The following NRG1 variants were observed in gnomAD, a reference collection of about 807,000 sequenced individuals.
NRG1 encodes pro-neuregulin-1, membrane-bound isoform.
Under a neutral mutation model 63.8 loss-of-function variants are expected in NRG1, and 18 were observed. That is an observed-to-expected ratio of 0.28 (90% CI 0.19 to 0.42). NRG1 has a LOEUF of 0.42. Ranked by LOEUF, NRG1 falls within the 10% of genes least tolerant of loss-of-function variation. The probability of loss-of-function intolerance (pLI) is 1.00; values close to 1 mark genes in which losing one functional copy is unlikely to be tolerated. For missense variants in NRG1, 762 were observed against 814.7 expected, an observed-to-expected ratio of 0.94 and a Z score of 0.79; for synonymous variants, 302 against 301.3, an observed-to-expected ratio of 1.00 and a Z score of -0.02.
At position 32,253,727 on chromosome 8, in the gene NRG1, C is replaced by A. The variant is rs150060437; in HGVS notation, c.38-342101C>A. On this transcript the variant is annotated intron_variant, in intron 1 of 10. Coordinates refer to the NRG1 transcript ENST00000519301. ...TCATAAAATGAGTTAGGGAGAAGTA[C>A]CTCTTTTTCTGTCATTTGGAATGGT... Among the ~76,000 whole-genome samples the A allele has an allele frequency of 1.4e-3, 220 of 152,258 alleles. 1 individual carries two copies. Among genetic ancestry groups the A allele is most frequent in the African/African-American group, 4.9e-3 (205 of 41,544 alleles).
chr8:32,532,046 C>A (rs1831504196), intron 1 of NRG1, among the ~76,000 whole-genome samples: 1 of 152,166 alleles, frequency 6.6e-6, no homozygotes, highest in South Asian at 2.1e-4. Flanking sequence ...GTTTCTCTAT[C>A]TATAATCTAT....
At chr8:31,639,942 A>G in intron 1 of NRG1, 3 of 1,121,892 alleles carry the variant, frequency 2.7e-6, no homozygotes, top group Non-Finnish European at 3.3e-6. Context: ...AGAGCCGGGC[A>G]GAGTCCGAAC....
chr8:32,760,453 G>T, intron 11 of NRG1, 47 bp downstream of exon 11: 1 of 1,608,852 alleles, frequency 6.2e-7, no homozygotes, highest in Non-Finnish European at 8.5e-7. Context: ...CTCAGTCAGA[G>T]AATCCCTGTG....
upstream of NRG1, among the ~76,000 whole-genome samples, chr8:32,544,923 T>G (rs1832929122): frequency 6.7e-6 from 1 of 150,154 alleles, no homozygotes; most frequent in Non-Finnish European, 1.5e-5. Context: ...TTTCTTTGCA[T>G]TCATGCATCT....
intron 1 of NRG1, among the ~76,000 whole-genome samples, chr8:32,035,942 T>C (rs1818983700): frequency 6.6e-6 from 1 of 152,190 alleles, no homozygotes; most frequent in South Asian, 2.1e-4. Flanking sequence ...TTAAGGGTAA[T>C]ATTGTTATGT....
At chr8:31,993,204 A>G (rs1811380212) in intron 1 of NRG1, among the ~76,000 whole-genome samples, 1 of 152,042 alleles carries the variant, frequency 6.6e-6, no homozygotes, top group Non-Finnish European at 1.5e-5. Context: ...GTAAGATTCT[A>G]TAAATGCAAG....
At chr8:31,836,592 G>A (rs1413210048) in intron 1 of NRG1, among the ~76,000 whole-genome samples, 8 of 152,048 alleles carry the variant, frequency 5.3e-5, no homozygotes, top group Non-Finnish European at 8.8e-5. Context: ...AAACTTATAT[G>A]TGGAGATCTT....
intron 5 of NRG1, among the ~76,000 whole-genome samples, chr8:32,663,921 T>G (rs1366129487): frequency 6.6e-6 from 1 of 152,186 alleles, no homozygotes; most frequent in African/African-American, 2.4e-5. Context: ...TAGAGACATT[T>G]CCTATACTCT....
chr8:32,435,383 AAT>A (rs1168570966), intron 1 of NRG1, among the ~76,000 whole-genome samples: 2 of 152,192 alleles, frequency 1.3e-5, no homozygotes, highest in African/African-American at 4.8e-5. Context: ...AAAGTTCACA[AAT>A]ATGGTAATAG....
chr8:31,795,066 G>T (rs1821075291), intron 1 of NRG1, among the ~76,000 whole-genome samples: 1 of 152,262 alleles, frequency 6.6e-6, no homozygotes, highest in South Asian at 2.1e-4. Context: ...GCCTCCCAAA[G>T]TGCTGGGATT....
intron 5 of NRG1, among the ~76,000 whole-genome samples, chr8:32,676,120 A>C (rs1687278431): frequency 1.3e-5 from 2 of 152,240 alleles, no homozygotes; most frequent in African/African-American, 4.8e-5. Flanking sequence ...GGTCAGTATC[A>C]CAACACAGCC....
intron 1 of NRG1, among the ~76,000 whole-genome samples, chr8:32,447,807 A>T (rs1041975577): frequency 6.6e-6 from 1 of 151,782 alleles, no homozygotes; most frequent in Non-Finnish European, 1.5e-5. Flanking sequence ...AGGGAGGTCA[A>T]GGCTGCACCC....
chr8:32,337,581 A>G (rs1338485851), intron 1 of NRG1, among the ~76,000 whole-genome samples: 1 of 148,532 alleles, frequency 6.7e-6, no homozygotes, highest in East Asian at 2.0e-4. Context: ...GATTCATTCT[A>G]TCCCTTCCCA....
chr8:32,489,982 A>C (rs1343092662), intron 1 of NRG1, among the ~76,000 whole-genome samples: 1 of 152,160 alleles, frequency 6.6e-6, no homozygotes, highest in African/African-American at 2.4e-5. Flanking sequence ...CTGGAGCAGC[A>C]GTATCAGCTT....
chr8:31,737,116 G>C (rs1814755525), intron 1 of NRG1, among the ~76,000 whole-genome samples: 1 of 152,116 alleles, frequency 6.6e-6, no homozygotes, highest in Admixed American at 6.6e-5. Flanking sequence ...GTTGAAACTA[G>C]AGATGTAACA....
intron 1 of NRG1, among the ~76,000 whole-genome samples, chr8:32,125,576 G>T (rs1293199772): frequency 6.6e-6 from 1 of 151,818 alleles, no homozygotes; most frequent in African/African-American, 2.4e-5. Context: ...AAACTCCTTA[G>T]TCTGACATTA....
intron 1 of NRG1, among the ~76,000 whole-genome samples, chr8:31,666,626 T>C (rs1335174184): frequency 6.6e-6 from 1 of 152,218 alleles, no homozygotes; most frequent in African/African-American, 2.4e-5. Flanking sequence ...GGGAAAATTA[T>C]CAAAAGTGAA....
intron 1 of NRG1, among the ~76,000 whole-genome samples, chr8:32,424,326 A>T (rs182387507): frequency 1.3e-5 from 2 of 152,174 alleles, no homozygotes; most frequent in African/African-American, 2.4e-5. Flanking sequence ...GGGCCTCTAG[A>T]GCTAAGTTGC....
chr8:32,078,188 G>A (rs80125255), intron 1 of NRG1, among the ~76,000 whole-genome samples: 1 of 152,242 alleles, frequency 6.6e-6, no homozygotes, highest in African/African-American at 2.4e-5. Flanking sequence ...GAGGTGATTG[G>A]GTCATAGGTT....
Sources: allele counts gnomAD v4.1 joint callset (sites outside exome capture counted in the v4.1 genomes callset), GRCh38; gene constraint gnomAD v4.1.1; transcripts MANE v1.5; gene names NCBI Gene and HGNC (gene_info 2026-07-23, HGNC 2026-07-21).